FGFR4: variants seen among roughly 807,000 people sequenced by gnomAD.
The protein encoded by FGFR4 is hydroxyaryl-protein kinase.
FGFR4 carries 63 observed loss-of-function variants against 89.9 expected under a neutral mutation model. The observed-to-expected ratio is 0.70, with a 90% CI of 0.57 to 0.86. FGFR4 has a LOEUF of 0.86. Among genes scored for constraint, FGFR4 ranks in the 40% least tolerant of loss-of-function variants. The probability of loss-of-function intolerance (pLI) is 0.00; values close to 1 mark genes in which losing one functional copy is unlikely to be tolerated. For missense variants in FGFR4, 928 were observed against 1,106.7 expected, an observed-to-expected ratio of 0.84 and a Z score of 2.29; for synonymous variants, 486 against 479.4, an observed-to-expected ratio of 1.01 and a Z score of -0.18.
intron 11 of FGFR4, chr5:177,094,791 A>T (rs2149737143): frequency 6.0e-6 from 1 of 166,232 alleles, no homozygotes; most frequent in East Asian, 1.6e-4. Flanking sequence ...GCCCAGGGCC[A>T]CAGGTCAGCC....
Position 177,093,784 on chromosome 5 carries a change from G to A in FGFR4, c.1519+9G>A, listed in dbSNP as rs1267185207. The stretch of plus-strand genomic sequence containing the variant: ...CGTCAAGATGCTCAAAGGTGAGTGT[G>A]GCCCGGTGTGGTGGCTCACACCTGT... On this transcript the variant is annotated intron_variant, in intron 11 of 17. Coordinates refer to ENST00000292408, the MANE Select transcript of FGFR4 (RefSeq NM_213647.3). This position sits in a 1 kb window ranked among gnomAD's most constrained non-coding sequence, Gnocchi z 5.8. 6.2e-7 allele frequency: 1 copy of A among 1,608,276 alleles called. No homozygotes were observed. The highest frequency in any genetic ancestry group is 8.5e-7 in the Non-Finnish European group (1 of 1,176,686).
In FGFR4 at chr5:177,097,398, G is replaced by T. The variant is rs755046957; in HGVS notation, c.2259+1G>T. 1 of 1,610,800 alleles carries T rather than the reference G, an allele frequency of 6.2e-7. No individual in the cohort carries two copies. The highest frequency in any genetic ancestry group is 1.7e-5 in the Admixed American group (1 of 59,616). The stretch of plus-strand genomic sequence containing the variant: ...GGTCCTGCTGGCCGTCTCTGAGGAG[G>T]TACAGCCCCTCCCACCCACCACCTC... On this transcript the variant is annotated splice_donor_variant, in intron 17 of 17. Transcript: ENST00000292408. LOFTEE classifies it high-confidence loss of function.
Position 177,090,446 on chromosome 5 carries a change from G to A in FGFR4, c.148G>A (p.Gly50Arg). 6.2e-7 allele frequency: 1 copy of A among 1,606,044 alleles called. No individual in the cohort carries two copies. Among genetic ancestry groups the A allele is most frequent in the Non-Finnish European group, 8.5e-7 (1 of 1,178,838 alleles). Residue 50 changes from glycine (G) to arginine (R), a missense_variant, in exon 3 of 18, where the codon GGG becomes AGG. By Grantham distance (125) the Gly-to-Arg change is moderately radical. Transcript: ENST00000292408. ...QQEQELTVALGQPVRLCCGRA... is the reference protein window; with the variant it reads ...QQEQELTVALRQPVRLCCGRA... ...AGAGCAGGAGCTGACAGTAGCCCTT[G>A]GGCAGCCTGTGCGTCTGTGCTGTGG...
rs1402536625 is a variant in FGFR4 at position 177,092,270 on chromosome 5, T to A, written c.728-51T>A. On this transcript the variant is annotated intron_variant, in intron 6 of 17. Transcript: ENST00000292408. Reference sequence around the variant, plus strand: ...GAAGGCTGGAGGGAGGCAAACAGGGTGCTTCTATGGGTGCCGGTGGTCAGG... The same window carrying A: ...GAAGGCTGGAGGGAGGCAAACAGGGAGCTTCTATGGGTGCCGGTGGTCAGG... 4 of 1,491,156 alleles carry A rather than the reference T, an allele frequency of 2.7e-6. No homozygotes were observed. In the East Asian group the frequency reaches 9.3e-5, roughly 35 times the overall value. The allele number at this position is 1,491,156 out of a possible 1,614,324, so 92.4% of individuals were successfully genotyped here.
At position 177,096,677 on chromosome 5, in the gene FGFR4, G is replaced by T; in HGVS notation, c.2089G>T (p.Glu697Ter). Reference sequence around the variant, plus strand: ...CCCGTATCCTGGCATCCCGGTGGAGGAGCTGTTCTCGCTGCTGCGGGAGGG... The same window carrying T: ...CCCGTATCCTGGCATCCCGGTGGAGTAGCTGTTCTCGCTGCTGCGGGAGGG... ...GSPYPGIPVEELFSLLREGHR... is the reference protein window; with the variant it reads ...GSPYPGIPVE Residue 697 changes from glutamate (E) to a stop codon, truncating the protein, a stop_gained, in exon 16 of 18, where the codon GAG (glutamate) becomes TAG (stop). Coordinates refer to ENST00000292408, the MANE Select transcript of FGFR4 (RefSeq NM_213647.3). LOFTEE classifies it high-confidence loss of function. 1 of 1,610,814 alleles carries T rather than the reference G, an allele frequency of 6.2e-7. No individual in the cohort carries two copies. Among genetic ancestry groups the T allele is most frequent in the Non-Finnish European group, 8.5e-7 (1 of 1,178,394 alleles).
In FGFR4 at chr5:177,087,083, C is replaced by G. The variant is rs1001780664; in HGVS notation, c.-54+6C>G. 5 of 151,876 alleles carry G rather than the reference C, an allele frequency of 3.3e-5. No homozygotes were observed. Among genetic ancestry groups the G allele is most frequent in the Non-Finnish European group, 7.3e-5 (5 of 68,096 alleles). 9.4% of individuals were successfully genotyped at this position (151,876 alleles called of 1,614,324 possible). ...CGGAGTCACGCAGGCTCGAGGTGAG[C>G]CGGAACCCTTGTGGGCCCGGGCTGC... On this transcript the variant is annotated splice_donor_region_variant and intron_variant, in intron 1 of 17. Coordinates refer to ENST00000292408, the MANE Select transcript of FGFR4 (RefSeq NM_213647.3). The surrounding 1 kb of genome is among the most constrained non-coding windows in gnomAD (Gnocchi z 6.1).
intron 11 of FGFR4, chr5:177,094,995 C>T (rs1000446621): frequency 4.1e-5 from 12 of 295,122 alleles, no homozygotes; most frequent in South Asian, 3.2e-4. Context: ...ACCCCTCCAG[C>T]GGCAGCTTCC....
chr5:177,092,915 G>T, intron 8 of FGFR4, 131 bp downstream of exon 8: 1 of 1,471,970 alleles, frequency 6.8e-7, no homozygotes, highest in South Asian at 1.2e-5. Context: ...GTGGATTTGT[G>T]GGTTTGAGCT....
chr5:177,096,443 C>T lies in FGFR4; in HGVS notation c.2015+86C>T, dbSNP rs45521337. The T allele has an allele frequency of 3.0e-3, 4,720 of 1,558,904 alleles. 16 individuals carry two copies. The highest frequency in any genetic ancestry group is 3.5e-3 in the Non-Finnish European group (4,011 of 1,139,490). ...CACGTGGCCCCAGGAGTCATGCGCT[C>T]GAGGGCTCCTTCAGATTTGGTCTGG... On this transcript the variant is annotated intron_variant, in intron 15 of 17. Transcript: ENST00000292408.
intron 11 of FGFR4, among the ~76,000 whole-genome samples, chr5:177,094,266 T>A (rs1435079076): frequency 6.6e-6 from 1 of 151,988 alleles, no homozygotes; most frequent in African/African-American, 2.4e-5. Flanking sequence ...GAGCCTCAGT[T>A]TTCCCTTGTG....
In FGFR4 at chr5:177,097,913, G is replaced by A. The variant is rs535259733; in HGVS notation, c.*237G>A. ...GGCGCTTAGTCCCCATCCCGGGTTT[G>A]GCTGAGCCTGGCTGGAGAGCTGCTA... is the stretch of plus-strand genomic sequence containing the variant. On this transcript the variant is annotated 3_prime_UTR_variant, in exon 18 of 18. Transcript: ENST00000292408. 2.2e-6 allele frequency: 1 copy of A among 457,068 alleles called. No homozygotes were observed. The highest frequency in any genetic ancestry group is 3.3e-5 in the East Asian group (1 of 30,140). The allele number at this position is 457,068 out of a possible 1,614,324, so 28.3% of individuals were successfully genotyped here. A position where few individuals can be genotyped will look rare whatever the true frequency, so the allele number is the denominator to read the frequency against.
chr5:177,090,866 A>G (rs1482883044), intron 4 of FGFR4, 41 bp downstream of exon 4: 1 of 1,613,834 alleles, frequency 6.2e-7, no homozygotes, highest in African/African-American at 1.3e-5. Context: ...GCTGCTGCTC[A>G]TCTGATCACT....
Position 177,090,974 on chromosome 5 carries a change from A to C in FGFR4, c.473A>C (p.Lys158Thr), listed in dbSNP as rs764916049. ...ACACACCCCCAGCGCATGGAGAAGA[A>C]ACTGCATGCAGTACCTGCGGGGAAC... ...YWTHPQRMEK[K>T]LHAVPAGNTV... Residue 158 changes from lysine to threonine, a missense_variant, in exon 5 of 18, where the codon AAA becomes ACA. Transcript: ENST00000292408. The C allele has an allele frequency of 1.9e-6, 3 of 1,614,066 alleles. No homozygotes were observed. In the South Asian group the frequency reaches 3.3e-5, roughly 18 times the overall value.
rs748346893 is a variant in FGFR4, at chr5:177,092,672, G to A, written c.945G>A (p.Val315=). The change falls in exon 8 of 18, where the codon GTG becomes GTA. Residue 315 remains valine, a synonymous_variant. Transcript: ENST00000292408. The part of the protein sequence containing the change: ...LKTADINSSE[V]EVLYLRNVSA... ...CTGCAGACATCAATAGCTCAGAGGT[G>A]GAGGTCCTGTACCTGCGGAACGTGT... The A allele has an allele frequency of 5.0e-6, 8 of 1,611,986 alleles. No individual in the cohort carries two copies. The highest frequency in any genetic ancestry group is 1.3e-5 in the African/African-American group (1 of 74,898).
chr5:177,096,135 GC>G lies in FGFR4; in HGVS notation c.1903del (p.Arg635AlafsTer19). ...GATGAAGATTGCTGACTTTGGGCTG[GC>G]CCGCGGCGTCCACCACATTGACTAC... Reference protein sequence around the residue: ...NVMKIADFGLARGVHHIDYYK... With the variant: ...NVMKIADFGLXRGVHHIDYYK... On this transcript the variant is annotated frameshift_variant, in exon 14 of 18. Transcript: ENST00000292408. LOFTEE classifies it high-confidence loss of function. The G allele has an allele frequency of 6.2e-7, 1 of 1,614,160 alleles. No individual in the cohort carries two copies. Among genetic ancestry groups the G allele is most frequent in the Non-Finnish European group, 8.5e-7 (1 of 1,180,010 alleles).
intron 3 of FGFR4, 46 bp downstream of exon 3, chr5:177,090,699 C>T (rs759266171): frequency 1.9e-6 from 3 of 1,550,872 alleles, no homozygotes; most frequent in South Asian, 1.2e-5. Flanking sequence ...GGGAGACAGA[C>T]CTGCCCCTCT....
intron 16 of FGFR4, 63 bp from the exon 17 acceptor site, chr5:177,097,229 C>T (rs897787097): frequency 5.6e-5 from 77 of 1,375,014 alleles, no homozygotes; most frequent in Non-Finnish European, 6.7e-5. Flanking sequence ...AGAGAACCCC[C>T]GGTCCTCCCC....
In FGFR4 at chr5:177,093,302, A is replaced by C; in HGVS notation, c.1222A>C (p.Lys408Gln). The change falls in exon 9 of 18, where the codon AAG becomes CAG. Residue 408 changes from lysine (K) to glutamine (Q), a missense_variant. Physicochemically the swap from Lys to Gln is moderately conservative, Grantham distance 53. Coordinates refer to ENST00000292408, the MANE Select transcript of FGFR4 (RefSeq NM_213647.3). The surrounding 1 kb of genome is among the most constrained non-coding windows in gnomAD (Gnocchi z 5.8). The stretch of plus-strand genomic sequence containing the variant: ...CCCCCGCCCGCCCGCCACTGTGCAG[A>C]AGCTCTCCCGCTTCCCTCTGGCCCG... ...RHPRPPATVQKLSRFPLARQF... is the reference protein window; with the variant it reads ...RHPRPPATVQQLSRFPLARQF... 6.2e-7 allele frequency: 1 copy of C among 1,609,984 alleles called. No homozygotes were observed. Among genetic ancestry groups the C allele is most frequent in the South Asian group, 1.1e-5 (1 of 90,982 alleles).
rs45581232 is a variant in FGFR4 at position 177,091,664 on chromosome 5, G to A, written c.604-21G>A. ...TTGGTGGACATGGTCCGGTGGTCCC[G>A]GACACTCTCTCTGCCTGCAGCTGCG... is the stretch of plus-strand genomic sequence containing the variant. On this transcript the variant is annotated intron_variant, in intron 5 of 17. Coordinates refer to ENST00000292408, the MANE Select transcript of FGFR4 (RefSeq NM_213647.3). 9.1e-4 allele frequency: 1,465 copies of A among 1,613,506 alleles called. 13 individuals carry two copies. In the African/African-American group the frequency reaches 0.017, roughly 19 times the overall value.
Sources: allele counts gnomAD v4.1 joint callset (sites outside exome capture counted in the v4.1 genomes callset), GRCh38; gene constraint gnomAD v4.1.1; non-coding constraint Gnocchi (gnomAD v3.1); transcripts MANE v1.5; gene names NCBI Gene and HGNC (gene_info 2026-07-23, HGNC 2026-07-21).